The following OXR1 variants were observed in gnomAD, a reference collection of about 807,000 sequenced individuals.
OXR1 encodes oxidation resistance protein 1.
A neutral mutation model predicts 104.6 loss-of-function variants in OXR1; 41 were observed. The ratio of observed to expected loss-of-function variants is 0.39; its 90% CI spans 0.31 to 0.51. The LOEUF is 0.51. Among genes scored for constraint, OXR1 ranks in the 20% least tolerant of loss-of-function variants. OXR1 has a pLI of 0.77. For synonymous variants in OXR1, 348 were observed against 348.4 expected (o/e 1.00, Z 0.01); for missense variants, 955 against 1,031.9 (o/e 0.93, Z 1.02).
At chr8:106,281,927 A>G (rs1812307047) in intron 1 of OXR1, among the ~76,000 whole-genome samples, 1 of 152,042 alleles carries the variant, frequency 6.6e-6, no homozygotes, top group Admixed American at 6.6e-5. Context: ...AAAATACCCT[A>G]TATACAATCT....
intron 2 of OXR1, among the ~76,000 whole-genome samples, chr8:106,467,696 C>G (rs1181148877): frequency 6.6e-6 from 1 of 151,824 alleles, no homozygotes. Context: ...GAAAGAAAAG[C>G]CAAGGCCTTA....
intron 1 of OXR1, among the ~76,000 whole-genome samples, chr8:106,333,807 A>T (rs7814440): frequency 0.32 from 47,893 of 152,004 alleles, 10,058 homozygotes; most frequent in African/African-American, 0.6. Flanking sequence ...TCCATTATAG[A>T]TTACTGACCT....
intron 11 of OXR1, among the ~76,000 whole-genome samples, chr8:106,718,853 G>T (rs1832556971): frequency 7.2e-6 from 1 of 138,056 alleles, no homozygotes; most frequent in Non-Finnish European, 1.6e-5. Flanking sequence ...AAAAAAAAAA[G>T]GAGCTATGCC....
chr8:106,340,521 C>T (rs1057315421), intron 1 of OXR1, among the ~76,000 whole-genome samples: 1 of 152,084 alleles, frequency 6.6e-6, no homozygotes, highest in African/African-American at 2.4e-5. Context: ...TAGATGTAAC[C>T]CTGTAACCCA....
At chr8:106,339,261 T>C (rs1007434076) in intron 1 of OXR1, among the ~76,000 whole-genome samples, 2 of 151,694 alleles carry the variant, frequency 1.3e-5, no homozygotes, top group South Asian at 2.1e-4. Flanking sequence ...TTTGGGAGGC[T>C]GAGGAGGGCA....
intron 1 of OXR1, among the ~76,000 whole-genome samples, chr8:106,323,629 C>G (rs1322499162): frequency 2.6e-5 from 4 of 151,916 alleles, no homozygotes; most frequent in African/African-American, 9.7e-5. Context: ...AGTTCTAATA[C>G]CCAGCATTTA....
At chr8:106,499,597 C>T (rs1811647943) in intron 2 of OXR1, among the ~76,000 whole-genome samples, 1 of 152,162 alleles carries the variant, frequency 6.6e-6, no homozygotes, top group African/African-American at 2.4e-5. Context: ...CCCACCACCA[C>T]CTCCAAAATT....
chr8:106,489,651 A>C (rs943261411), intron 2 of OXR1, among the ~76,000 whole-genome samples: 3 of 152,178 alleles, frequency 2.0e-5, no homozygotes, highest in Admixed American at 1.3e-4. Context: ...ATATGTATTA[A>C]GGGAATTGTT....
At chr8:106,370,090 G>C (rs1563741059) in intron 2 of OXR1, among the ~76,000 whole-genome samples, 1 of 152,100 alleles carries the variant, frequency 6.6e-6, no homozygotes, top group African/African-American at 2.4e-5. Flanking sequence ...GTGGTTTGTA[G>C]TTCTCCTTAA....
intron 3 of OXR1, among the ~76,000 whole-genome samples, chr8:106,583,742 T>C (rs1818422331): frequency 6.6e-6 from 1 of 152,122 alleles, no homozygotes. Context: ...TTGAGTATTT[T>C]AAAAAGTAGG....
chr8:106,391,369 G>A (rs1220858944), intron 2 of OXR1, among the ~76,000 whole-genome samples: 4 of 150,444 alleles, frequency 2.7e-5, no homozygotes, highest in Admixed American at 6.7e-5. Flanking sequence ...AAGAATTTAC[G>A]TTGATGGTAT....
intron 3 of OXR1, among the ~76,000 whole-genome samples, chr8:106,672,669 G>C (rs890389833): frequency 1.3e-5 from 2 of 152,120 alleles, no homozygotes; most frequent in Non-Finnish European, 2.9e-5. Flanking sequence ...ATCTCATCTT[G>C]GATTATAATC....
intron 3 of OXR1, among the ~76,000 whole-genome samples, chr8:106,550,409 G>T (rs751570552): frequency 6.6e-6 from 1 of 152,102 alleles, no homozygotes; most frequent in Admixed American, 6.5e-5. Context: ...ATGGTGGAAG[G>T]GGGTAAGACC....
intron 3 of OXR1, among the ~76,000 whole-genome samples, chr8:106,572,271 T>C (rs2130568328): frequency 6.6e-6 from 1 of 152,328 alleles, no homozygotes; most frequent in African/African-American, 2.4e-5. Context: ...CAGTTCAAAC[T>C]GGTAATGACC....
At chr8:106,492,450 G>C (rs180685691) in intron 2 of OXR1, among the ~76,000 whole-genome samples, 1 of 152,200 alleles carries the variant, frequency 6.6e-6, no homozygotes, top group African/African-American at 2.4e-5. Context: ...TAAATTCTCA[G>C]TGTGTTCACT....
intron 1 of OXR1, among the ~76,000 whole-genome samples, chr8:106,308,027 TACAC>T (rs371216720): frequency 2.7e-5 from 4 of 148,826 alleles, no homozygotes; most frequent in Non-Finnish European, 5.9e-5. Flanking sequence ...CACACACACA[TACAC>T]ACACACAGAA....
In OXR1 at chr8:106,353,554, G is replaced by A. The variant is rs919067134; in HGVS notation, c.-138-5922G>A. ...ATTTTTGAGTCATTCAAGTCATATTGTTGCTAACATTTTATTTTGTTCATT... is the reference window on the plus strand; with the variant it reads ...ATTTTTGAGTCATTCAAGTCATATTATTGCTAACATTTTATTTTGTTCATT... On this transcript the variant is annotated intron_variant, in intron 1 of 16. Coordinates refer to ENST00000517566, the MANE Select transcript of OXR1 (RefSeq NM_001198533.2). Among the ~76,000 whole-genome samples the A allele has an allele frequency of 4.0e-5, 6 of 151,538 alleles. No homozygotes were observed. In the South Asian group the frequency reaches 1.2e-3, roughly 32 times the overall value.
intron 2 of OXR1, among the ~76,000 whole-genome samples, chr8:106,426,790 G>A (rs981687226): frequency 6.6e-6 from 1 of 152,046 alleles, no homozygotes; most frequent in Non-Finnish European, 1.5e-5. Flanking sequence ...TTATTTGCTA[G>A]GCTGCCTGAC....
At chr8:106,463,833 C>CT (rs1395556758) in intron 2 of OXR1, among the ~76,000 whole-genome samples, 2 of 152,026 alleles carry the variant, frequency 1.3e-5, no homozygotes, top group African/African-American at 2.4e-5. Flanking sequence ...TCAATAAATG[C>CT]TTTTTTGCTA....
Sources: gnomAD v4.1 joint callset for allele counts (sites outside exome capture counted in the v4.1 genomes callset) on GRCh38, gnomAD v4.1.1 for gene constraint, MANE v1.5 for transcripts, NCBI Gene and HGNC (gene_info 2026-07-23, HGNC 2026-07-21) for gene names.